The following GALNT10 variants were observed in gnomAD, a reference collection of about 807,000 sequenced individuals.
The protein encoded by GALNT10 is polypeptide N-acetylgalactosaminyltransferase 10.
GALNT10 carries 41 observed loss-of-function variants against 75.0 expected under a neutral mutation model. The ratio of observed to expected loss-of-function variants is 0.55; its 90% CI spans 0.43 to 0.71. The LOEUF (loss-of-function observed/expected upper bound fraction) is 0.71. Among genes scored for constraint, GALNT10 ranks in the 30% least tolerant of loss-of-function variants. GALNT10 has a pLI of 0.00. For synonymous variants in GALNT10, 302 were observed against 313.0 expected (o/e 0.96, Z 0.37); for missense variants, 727 against 818.5 (o/e 0.89, Z 1.36).
chr5:154,300,106 G>C (rs1405898877), intron 3 of GALNT10, among the ~76,000 whole-genome samples: 1 of 152,136 alleles, frequency 6.6e-6, no homozygotes, highest in African/African-American at 2.4e-5. Flanking sequence ...AAAGTGTCGG[G>C]ATTGCAGATG....
At chr5:154,337,471 A>T in intron 4 of GALNT10, 1 of 712,476 alleles carries the variant, frequency 1.4e-6, no homozygotes, top group Non-Finnish European at 2.6e-6. Flanking sequence ...AGTAATTAAA[A>T]TCTCCTGCCA....
At chr5:154,214,815 A>G (rs1351360780) in intron 1 of GALNT10, among the ~76,000 whole-genome samples, 1 of 152,198 alleles carries the variant, frequency 6.6e-6, no homozygotes, top group Non-Finnish European at 1.5e-5. Context: ...GGAGGAGGAA[A>G]ATGTCAGAGG....
Position 154,298,188 on chromosome 5 carries a change from C to T in GALNT10, c.401+109C>T. 1.1e-6 allele frequency: 1 copy of T among 949,072 alleles called. No homozygotes were observed. Among genetic ancestry groups the T allele is most frequent in the East Asian group, 2.4e-5 (1 of 41,508 alleles). The allele number at this position is 949,072 out of a possible 1,614,324, so 58.8% of individuals were successfully genotyped here. ...GGAGCCCTGCTGACGGAGACACCCT[C>T]CTCTTTCACAGGCATTTGTGCAAAG... On this transcript the variant is annotated intron_variant, in intron 3 of 11. Coordinates refer to ENST00000297107, the MANE Select transcript of GALNT10 (RefSeq NM_198321.4). This position sits in a 1 kb window ranked among gnomAD's most constrained non-coding sequence, Gnocchi z 4.1.
chr5:154,367,240 C>T (rs1755490698), intron 4 of GALNT10, among the ~76,000 whole-genome samples: 5 of 152,282 alleles, frequency 3.3e-5, no homozygotes, highest in Admixed American at 2.6e-4. Flanking sequence ...GTTTGAAAGC[C>T]ACTGTTCCCA....
intron 1 of GALNT10, among the ~76,000 whole-genome samples, chr5:154,263,786 G>T (rs1277556180): frequency 6.6e-6 from 1 of 152,014 alleles, no homozygotes; most frequent in African/African-American, 2.4e-5. Flanking sequence ...ACTCCCAAAG[G>T]CCCTACCTCC....
intron 3 of GALNT10, among the ~76,000 whole-genome samples, chr5:154,318,872 G>A (rs912150910): frequency 1.3e-5 from 2 of 152,196 alleles, no homozygotes; most frequent in African/African-American, 2.4e-5. Flanking sequence ...TAAGCTTTGC[G>A]CATTCAGGGT....
At chr5:154,337,787 G>A (rs1311437095) in intron 4 of GALNT10, 1 of 1,052,044 alleles carries the variant, frequency 9.5e-7, no homozygotes, top group East Asian at 2.4e-5. Context: ...GACCAAAGTT[G>A]TCATTCCCAC....
intron 1 of GALNT10, among the ~76,000 whole-genome samples, chr5:154,275,706 A>G (rs1040434580): frequency 3.3e-5 from 5 of 152,162 alleles, no homozygotes; most frequent in Non-Finnish European, 1.5e-5. Flanking sequence ...GTTCCTTTCC[A>G]TGTCGACCTC....
chr5:154,311,361 T>C (rs765530337), intron 3 of GALNT10, among the ~76,000 whole-genome samples: 9 of 152,228 alleles, frequency 5.9e-5, no homozygotes, highest in African/African-American at 9.6e-5. Flanking sequence ...TCTTCTGGTT[T>C]ACAAACTGTT....
intron 1 of GALNT10, chr5:154,218,084 C>T: frequency 1.0e-6 from 1 of 985,162 alleles, no homozygotes; most frequent in Non-Finnish European, 1.2e-6. Context: ...AGGATTATTC[C>T]CACCGCCCAA....
intron 1 of GALNT10, among the ~76,000 whole-genome samples, chr5:154,218,650 G>A (rs1486872392): frequency 6.6e-6 from 1 of 152,114 alleles, no homozygotes; most frequent in African/African-American, 2.4e-5. Flanking sequence ...CTTGCTTTTT[G>A]TTAATACGTT....
Position 154,416,939 on chromosome 5 carries a change from C to T in GALNT10, c.1779C>T (p.Asn593=), listed in dbSNP as rs376326259. ...AGCAGTGGCTGTTTGAACACACCAA[C>T]TCAACAGTCTTGGAAAAATTCAATA... The part of the protein sequence containing the change: ...LTQQWLFEHT[N]STVLEKFNRN The change falls in exon 12 of 12, where the codon AAC becomes AAT. Residue 593 remains asparagine (N), a synonymous_variant. Transcript: ENST00000297107. The surrounding 1 kb of genome is among the most constrained non-coding windows in gnomAD (Gnocchi z 4.5). 1.4e-5 allele frequency: 23 copies of T among 1,614,096 alleles called. No homozygotes were observed. Among genetic ancestry groups the T allele is most frequent in the Non-Finnish European group, 2.5e-6 (3 of 1,180,012 alleles).
intron 1 of GALNT10, among the ~76,000 whole-genome samples, chr5:154,249,568 C>A (rs912843601): frequency 1.3e-5 from 2 of 152,244 alleles, no homozygotes; most frequent in Non-Finnish European, 2.9e-5. Context: ...CCAGCCCCCC[C>A]CAGTAACTTG....
intron 1 of GALNT10, among the ~76,000 whole-genome samples, chr5:154,275,740 C>T (rs1753939961): frequency 6.6e-6 from 1 of 152,184 alleles, no homozygotes. Flanking sequence ...TTCTTCATAG[C>T]ATGGTGGCTG....
intron 4 of GALNT10, among the ~76,000 whole-genome samples, chr5:154,354,402 G>A (rs1755257822): frequency 6.6e-6 from 1 of 152,172 alleles, no homozygotes; most frequent in Non-Finnish European, 1.5e-5. Context: ...CACCCAGCAG[G>A]TATGCTCTTG....
chr5:154,413,098 G>A, intron 10 of GALNT10, 93 bp downstream of exon 10: 1 of 771,692 alleles, frequency 1.3e-6, no homozygotes, highest in East Asian at 2.5e-5. Context: ...GAGAGGCATG[G>A]GTCAGTGATA....
chr5:154,393,063 A>AACAAAAAC (rs1554101635), intron 7 of GALNT10: 5 of 128,532 alleles, frequency 3.9e-5, no homozygotes, highest in African/African-American at 1.5e-4. Context: ...TCCACAAAAA[A>AACAAAAAC]AAAAAAAAAA....
intron 6 of GALNT10, among the ~76,000 whole-genome samples, chr5:154,382,274 G>A (rs190329684): frequency 6.6e-6 from 1 of 152,378 alleles, no homozygotes; most frequent in Admixed American, 6.5e-5. Context: ...TGAGCCAAGA[G>A]TGGAGAGCAA....
intron 1 of GALNT10, among the ~76,000 whole-genome samples, chr5:154,202,974 G>A (rs1276391346): frequency 1.3e-5 from 2 of 152,250 alleles, no homozygotes; most frequent in African/African-American, 4.8e-5. Flanking sequence ...TGCCATCCAA[G>A]CCCTGCCAGG....
Sources: allele counts gnomAD v4.1 joint callset (sites outside exome capture counted in the v4.1 genomes callset), GRCh38; gene constraint gnomAD v4.1.1; non-coding constraint Gnocchi (gnomAD v3.1); transcripts MANE v1.5; gene names NCBI Gene and HGNC (gene_info 2026-07-23, HGNC 2026-07-21).